The following PCDHGA3 variants were observed in gnomAD, a reference collection of about 807,000 sequenced individuals.
The protein encoded by PCDHGA3 is protocadherin gamma subfamily A, 3.
Under a neutral mutation model 58.5 loss-of-function variants are expected in PCDHGA3, and 40 were observed. That is an observed-to-expected ratio of 0.68 (90% CI 0.53 to 0.89). The LOEUF is 0.89. PCDHGA3 is among the 40% of genes least tolerant of loss of function. The probability of loss-of-function intolerance (pLI) is 0.00; values close to 1 mark genes in which losing one functional copy is unlikely to be tolerated. For missense variants in PCDHGA3, 1,223 were observed against 1,195.9 expected (o/e 1.02, Z -0.33); for synonymous variants, 530 against 525.7 (o/e 1.01, Z -0.11).
rs771106873 is a variant in PCDHGA3, at chr5:141,426,860, A to C, written c.2425-67947A>C. 5 of 456,702 alleles carry C rather than the reference A, an allele frequency of 1.1e-5. No individual in the cohort carries two copies. In the Admixed American group the frequency reaches 1.2e-4, roughly 11 times the overall value. The allele number at this position is 456,702 out of a possible 1,614,324, so 28.3% of individuals were successfully genotyped here. A position where few individuals can be genotyped will look rare whatever the true frequency, so the allele number is the denominator to read the frequency against. On this transcript the variant is annotated intron_variant, in intron 1 of 3. Transcript: ENST00000253812. ...CTAAAGGCAAGAACGCTCCAGAATT[A>C]GTGCTGGAGAAGCCCCTGGGCCAGG...
At chr5:141,428,754 T>C (rs932377392) in intron 1 of PCDHGA3, 7 of 154,708 alleles carry the variant, frequency 4.5e-5, no homozygotes, top group African/African-American at 1.4e-4. Context: ...TTGCTTCAGG[T>C]TTGTTTGCCC....
At chr5:141,355,853 G>A in intron 1 of PCDHGA3, 1 of 1,612,554 alleles carries the variant, frequency 6.2e-7, no homozygotes, top group Non-Finnish European at 8.5e-7. Context: ...TTCGATGGAG[G>A]TGACCCGGTT....
At chr5:141,429,196 A>T (rs2097195436) in intron 1 of PCDHGA3, 2 of 151,994 alleles carry the variant, frequency 1.3e-5, no homozygotes, top group African/African-American at 4.8e-5. Context: ...ACACACACAC[A>T]CACACACACG....
At chr5:141,388,459 C>G in intron 1 of PCDHGA3, 1 of 1,613,696 alleles carries the variant, frequency 6.2e-7, no homozygotes, top group Non-Finnish European at 8.5e-7. Flanking sequence ...AGTAAATACC[C>G]TGAGATGGTA....
chr5:141,357,108 C>G, intron 1 of PCDHGA3: 9 of 1,613,824 alleles, frequency 5.6e-6, no homozygotes, highest in Non-Finnish European at 7.6e-6. Context: ...TGGACAGAGA[C>G]GCGCTCAAGC....
chr5:141,427,711 A>G, intron 1 of PCDHGA3: 1 of 1,036,496 alleles, frequency 9.6e-7, no homozygotes. Context: ...AGCGCCTCTG[A>G]CCTGGACCTA....
chr5:141,483,786 C>T (rs2099587125), intron 1 of PCDHGA3, among the ~76,000 whole-genome samples: 1 of 152,136 alleles, frequency 6.6e-6, no homozygotes, highest in African/African-American at 2.4e-5. Context: ...AGGATAAGAA[C>T]TCCAGTTGTT....
At chr5:141,409,719 CAGTG>C (rs2095305881) in intron 1 of PCDHGA3, 2 of 1,613,090 alleles carry the variant, frequency 1.2e-6, no homozygotes, top group South Asian at 2.2e-5. Flanking sequence ...TCATACGTGT[CAGTG>C]AGCGCGCAGA....
At chr5:141,482,768 CTGA>C (rs2099572195) in intron 1 of PCDHGA3, among the ~76,000 whole-genome samples, 1 of 126,868 alleles carries the variant, frequency 7.9e-6, no homozygotes, top group Admixed American at 7.7e-5. Flanking sequence ...TTCATTATCA[CTGA>C]ACCTTAAACT....
Position 141,364,472 on chromosome 5 carries a change from A to C in PCDHGA3, c.2424+18015A>C, listed in dbSNP as rs375080558. On this transcript the variant is annotated intron_variant, in intron 1 of 3. Transcript: ENST00000253812. ...GGACAAAGGCTCCTTCGTCGGCAAC[A>C]TAGCCAAGGACCTTGGGCTGGAGCC... The C allele has an allele frequency of 6.8e-6, 11 of 1,614,038 alleles. 1 individual carries two copies. Among genetic ancestry groups the C allele is most frequent in the Middle Eastern group, 1.7e-4 (1 of 6,056 alleles).
intron 1 of PCDHGA3, among the ~76,000 whole-genome samples, chr5:141,463,706 A>T (rs568865377): frequency 2.9e-3 from 440 of 152,024 alleles, no homozygotes; most frequent in Non-Finnish European, 4.6e-3. Context: ...TCGGCCTCCA[A>T]AAGTGCTGGG....
intron 1 of PCDHGA3, chr5:141,392,382 T>A (rs1463242705): frequency 6.5e-6 from 1 of 154,612 alleles, no homozygotes; most frequent in Non-Finnish European, 1.4e-5. Context: ...TCTGATCTAA[T>A]CTGATCATTT....
rs1444897635 is a variant in PCDHGA3 at position 141,366,887 on chromosome 5, A to G, written c.2424+20430A>G. ...GCTGTATTGGAGATTAATTTTTTTT[A>G]TATAATTCATGCTTTCTCCATTTGT... On this transcript the variant is annotated intron_variant, in intron 1 of 3. Coordinates refer to ENST00000253812, the MANE Select transcript of PCDHGA3 (RefSeq NM_018916.4). 3.2e-6 allele frequency: 4 copies of G among 1,269,488 alleles called. No homozygotes were observed. The South Asian group carries it at 4.6e-5, about 15-fold the overall frequency. 78.6% of individuals were successfully genotyped at this position (1,269,488 alleles called of 1,614,324 possible).
rs70988800 is a variant in PCDHGA3 at position 141,379,889 on chromosome 5, C to CTTTTTTTTTTTTTTTTTTTTTTTT, written c.2424+33439_2424+33462dup. Among the ~76,000 whole-genome samples, 49 of 50,830 alleles carry CTTTTTTTTTTTTTTTTTTTTTTTT rather than the reference C, an allele frequency of 9.6e-4. 5 individuals are homozygous for CTTTTTTTTTTTTTTTTTTTTTTTT. The highest frequency in any genetic ancestry group is 1.6e-3 in the Non-Finnish European group (41 of 25,880). 33.3% of individuals were successfully genotyped at this position (50,830 alleles called of 152,430 possible). ...CTTATTTTATGGTCTGTGAAAGCCT[C>CTTTTTTTTTTTTTTTTTTTTTTTT]TTTTTTTTTTTTTTTTTTTTTTTTT... On this transcript the variant is annotated intron_variant, in intron 1 of 3. Coordinates refer to ENST00000253812, the MANE Select transcript of PCDHGA3 (RefSeq NM_018916.4).
chr5:141,408,849 A>G (rs764977493), intron 1 of PCDHGA3: 1 of 1,613,610 alleles, frequency 6.2e-7, no homozygotes, highest in South Asian at 1.1e-5. Context: ...ACTGCCTTGG[A>G]CGGAGGGGAC....
chr5:141,423,751 G>GT, intron 1 of PCDHGA3: 12 of 349,026 alleles, frequency 3.4e-5, no homozygotes, highest in Non-Finnish European at 4.3e-5. Context: ...AAAACTGTTT[G>GT]GGGGGGGGGT....
intron 2 of PCDHGA3, among the ~76,000 whole-genome samples, chr5:141,503,222 G>A (rs540244346): frequency 2.2e-4 from 34 of 152,120 alleles, no homozygotes; most frequent in African/African-American, 7.7e-4. Context: ...CATGAGCACC[G>A]TAAAGATGGA....
intron 1 of PCDHGA3, chr5:141,420,280 T>C: frequency 6.6e-7 from 1 of 1,513,274 alleles, no homozygotes; most frequent in Non-Finnish European, 8.9e-7. Context: ...AACAGGTAAG[T>C]ATTTAAAAAT....
intron 2 of PCDHGA3, among the ~76,000 whole-genome samples, chr5:141,504,999 T>C (rs1278633184): frequency 6.6e-6 from 1 of 152,000 alleles, no homozygotes; most frequent in African/African-American, 2.4e-5. Context: ...CCGTCTGTAC[T>C]AAAAATACAA....
Sources: allele counts gnomAD v4.1 joint callset (sites outside exome capture counted in the v4.1 genomes callset), GRCh38; gene constraint gnomAD v4.1.1; transcripts MANE v1.5; gene names NCBI Gene and HGNC (gene_info 2026-07-23, HGNC 2026-07-21).